SLC28A3: variants seen among roughly 807,000 people sequenced by gnomAD.
The protein encoded by SLC28A3 is concentrative Na(+)-nucleoside cotransporter 3.
In SLC28A3, 68 loss-of-function variants were observed where a neutral mutation model predicts 84.2. The observed-to-expected ratio is 0.81, with a 90% CI of 0.66 to 0.99. The LOEUF (loss-of-function observed/expected upper bound fraction) is 0.99. Among genes scored for constraint, SLC28A3 ranks in the 50% least tolerant of loss-of-function variants. The pLI, the probability that SLC28A3 is intolerant of heterozygous loss-of-function variation, is 0.00. For missense variants in SLC28A3, 712 were observed against 841.5 expected (o/e 0.85, Z 1.90); for synonymous variants, 267 against 303.6 (o/e 0.88, Z 1.25).
chr9:84,338,354 T>C (rs565571683), intron 1 of SLC28A3, among the ~76,000 whole-genome samples: 1 of 152,354 alleles, frequency 6.6e-6, no homozygotes, highest in African/African-American at 2.4e-5. Flanking sequence ...GCAGGAGAGC[T>C]GAATGTCAAA....
chr9:84,278,502 GT>G, intron 17 of SLC28A3, 158 bp from the exon 18 acceptor site: 1 of 893,178 alleles, frequency 1.1e-6, no homozygotes, highest in Non-Finnish European at 1.6e-6. Flanking sequence ...TGGGGAATTT[GT>G]TTTGGCTCCT....
At chr9:84,353,261 T>G in the SLC28A3 span, among the ~76,000 whole-genome samples, 1 of 152,258 alleles carries the variant, frequency 6.6e-6, no homozygotes, top group Non-Finnish European at 1.5e-5. Context: ...TTACATATTT[T>G]AAGCCTCACT....
chr9:84,352,901 A>AAAC, the SLC28A3 span, among the ~76,000 whole-genome samples: 3 of 151,240 alleles, frequency 2.0e-5, no homozygotes, highest in Non-Finnish European at 4.4e-5. Context: ...TCAAAAAAAA[A>AAAC]AAAAAAAAAA....
intron 4 of SLC28A3, 51 bp from the exon 5 acceptor site, chr9:84,302,440 G>A (rs368619510): frequency 7.0e-6 from 11 of 1,569,034 alleles, no homozygotes; most frequent in East Asian, 4.6e-5. Flanking sequence ...ACTGGGACAC[G>A]CCTCCAGGCT....
At chr9:84,342,127 C>CAAAAAAAAAAAA (rs200186519), upstream of SLC28A3, among the ~76,000 whole-genome samples, 33 of 68,560 alleles carry the variant, frequency 4.8e-4, no homozygotes, top group African/African-American at 1.3e-3. Flanking sequence ...GACCCTGTCT[C>CAAAAAAAAAAAA]AAAAAAAAAA....
At chr9:84,332,916 A>G (rs577850570) in intron 1 of SLC28A3, among the ~76,000 whole-genome samples, 4 of 152,320 alleles carry the variant, frequency 2.6e-5, no homozygotes, top group East Asian at 1.9e-4. Context: ...ATGGCTTCAC[A>G]GTGGTAGAAG....
chr9:84,330,325 T>C (rs1346119764), intron 1 of SLC28A3, among the ~76,000 whole-genome samples: 1 of 152,198 alleles, frequency 6.6e-6, no homozygotes, highest in Non-Finnish European at 1.5e-5. Context: ...ACTACTGATA[T>C]TACAGAAATA....
At chr9:84,360,139 G>T in the SLC28A3 span, among the ~76,000 whole-genome samples, 1 of 151,878 alleles carries the variant, frequency 6.6e-6, no homozygotes, top group Admixed American at 6.6e-5. Context: ...TAAAGTTAAA[G>T]TGCCAGGGGT....
At chr9:84,330,542 T>G (rs1291728963) in intron 1 of SLC28A3, among the ~76,000 whole-genome samples, 1 of 152,186 alleles carries the variant, frequency 6.6e-6, no homozygotes, top group African/African-American at 2.4e-5. Context: ...GAATTTAATT[T>G]TAACTAATTT....
intron 6 of SLC28A3, among the ~76,000 whole-genome samples, 194 bp from the exon 7 acceptor site, chr9:84,298,213 G>T (rs1374179693): frequency 1.3e-5 from 2 of 152,154 alleles, no homozygotes; most frequent in Non-Finnish European, 2.9e-5. Context: ...CAGGCCAGGC[G>T]CAGTGGCTCA....
chr9:84,326,928 C>T (rs1826581484), intron 1 of SLC28A3, among the ~76,000 whole-genome samples: 1 of 152,002 alleles, frequency 6.6e-6, no homozygotes, highest in African/African-American at 2.4e-5. Context: ...TCGCTAGAAC[C>T]CAGGAGCAGA....
intron 12 of SLC28A3, 122 bp from the exon 13 acceptor site, chr9:84,286,233 T>C: frequency 1.2e-6 from 1 of 818,216 alleles, no homozygotes; most frequent in Non-Finnish European, 1.9e-6. Context: ...CCTGCCTTGC[T>C]CAAAATACTC....
chr9:84,302,921 G>A (rs545879275), intron 4 of SLC28A3, among the ~76,000 whole-genome samples: 117 of 152,292 alleles, frequency 7.7e-4, no homozygotes, highest in African/African-American at 2.2e-3. Context: ...CTTTTGAAGA[G>A]CAGATTCTAG....
the SLC28A3 span, among the ~76,000 whole-genome samples, chr9:84,358,253 C>T: frequency 1.4e-4 from 22 of 152,238 alleles, no homozygotes; most frequent in African/African-American, 4.3e-4. Context: ...GTCCAGTGGC[C>T]GTGGGCTGCA....
intron 12 of SLC28A3, among the ~76,000 whole-genome samples, chr9:84,286,929 G>A (rs189531406): frequency 1.3e-5 from 2 of 152,244 alleles, no homozygotes; most frequent in East Asian, 3.9e-4. Context: ...GTGTCCGGGT[G>A]CAGTGGCTCA....
At position 84,340,722 on chromosome 9, in the gene SLC28A3, G is replaced by A; in HGVS notation, c.-89C>T. On this transcript the variant is annotated 5_prime_UTR_variant, in exon 1 of 18. Transcript: ENST00000376238. ...CTCTGCTGATGTCAGAAAGCCACCT[G>A]CTGTTACAGGGACCTGGGCACAGCT... The A allele has an allele frequency of 2.1e-6, 3 of 1,445,298 alleles. No homozygotes were observed. The highest frequency in any genetic ancestry group is 2.9e-6 in the Non-Finnish European group (3 of 1,033,402). The allele number at this position is 1,445,298 out of a possible 1,614,324, so 89.5% of individuals were successfully genotyped here. A position where few individuals can be genotyped will look rare whatever the true frequency, so the allele number is the denominator to read the frequency against.
intron 3 of SLC28A3, among the ~76,000 whole-genome samples, chr9:84,308,596 C>T (rs947955619): frequency 6.6e-6 from 1 of 152,030 alleles, no homozygotes; most frequent in African/African-American, 2.4e-5. Flanking sequence ...CACCACTGAA[C>T]TCCAGCCTAT....
the SLC28A3 span, among the ~76,000 whole-genome samples, chr9:84,358,705 C>T: frequency 6.6e-6 from 1 of 152,206 alleles, no homozygotes; most frequent in African/African-American, 2.4e-5. Flanking sequence ...AGTTCACCCT[C>T]ACTGTGAGGG....
chr9:84,347,674 T>C, the SLC28A3 span, among the ~76,000 whole-genome samples: 1 of 152,194 alleles, frequency 6.6e-6, no homozygotes, highest in Non-Finnish European at 1.5e-5. Context: ...GTGCCAGTGC[T>C]TAGGTGAGGG....
Sources: allele counts gnomAD v4.1 joint callset (sites outside exome capture counted in the v4.1 genomes callset), GRCh38; gene constraint gnomAD v4.1.1; transcripts MANE v1.5; gene names NCBI Gene and HGNC (gene_info 2026-07-23, HGNC 2026-07-21).